KBTBD11: variants seen among roughly 807,000 people sequenced by gnomAD.
KBTBD11 encodes kelch repeat and BTB domain-containing protein 11.
For synonymous variants in KBTBD11, 747 were observed against 499.0 expected, an observed-to-expected ratio of 1.50 and a Z score of -6.63; for missense variants, 1,390 against 1,001.8, an observed-to-expected ratio of 1.39 and a Z score of -5.23.
At chr8:1,977,520 T>TTTA (rs960408946) in intron 1 of KBTBD11, among the ~76,000 whole-genome samples, 2 of 151,974 alleles carry the variant, frequency 1.3e-5, no homozygotes, top group Non-Finnish European at 2.9e-5. Context: ...AACAATGATT[T>TTTA]TTATTATTAT....
intron 1 of KBTBD11, among the ~76,000 whole-genome samples, chr8:1,996,396 A>C (rs1391377085): frequency 6.6e-6 from 1 of 152,076 alleles, no homozygotes; most frequent in Non-Finnish European, 1.5e-5. Context: ...CTTTCTGAGT[A>C]GCTGAGATTA....
intron 1 of KBTBD11, among the ~76,000 whole-genome samples, chr8:1,997,114 G>GA (rs1817169938): frequency 6.6e-6 from 1 of 152,080 alleles, no homozygotes; most frequent in South Asian, 2.1e-4. Flanking sequence ...ATCACCCAGG[G>GA]AAAAAATCCT....
Position 2,001,892 on chromosome 8 carries a change from G to C in KBTBD11, c.700G>C (p.Ala234Pro). ...CGCCGTGGGGCCGCAGCTGAGCCTG[G>C]CCAACTGCTACGAGGTCCTGAGCGC... is the stretch of plus-strand genomic sequence containing the variant. ...TDAVGPQLSL[A>P]NCYEVLSAAK... The change falls in exon 2 of 2, where the codon GCC becomes CCC. Residue 234 changes from alanine (A) to proline (P), a missense_variant. Transcript: ENST00000320248. 1 of 1,408,280 alleles carries C rather than the reference G, an allele frequency of 7.1e-7. No homozygotes were observed. Among genetic ancestry groups the C allele is most frequent in the Non-Finnish European group, 9.3e-7 (1 of 1,072,174 alleles). The allele number at this position is 1,408,280 out of a possible 1,614,324, so 87.2% of individuals were successfully genotyped here.
At chr8:1,976,635 C>G (rs1247452033) in intron 1 of KBTBD11, among the ~76,000 whole-genome samples, 3 of 151,712 alleles carry the variant, frequency 2.0e-5, no homozygotes, top group African/African-American at 7.3e-5. Context: ...TAAAGTCAGC[C>G]TAGTTCTCTG....
At chr8:1,974,123 C>CCGGCAGGGGAGGGAGG (rs1816228578) in intron 1 of KBTBD11, among the ~76,000 whole-genome samples, 188 bp downstream of exon 1, 2 of 2,398 alleles carry the variant, frequency 8.3e-4, no homozygotes, top group Non-Finnish European at 1.5e-3. Context: ...GGGAGGGGAG[C>CCGGCAGGGGAGGGAGG]GGAGCGGAGG....
chr8:1,998,382 T>C (rs1357228766), intron 1 of KBTBD11, among the ~76,000 whole-genome samples: 1 of 152,192 alleles, frequency 6.6e-6, no homozygotes, highest in Non-Finnish European at 1.5e-5. Flanking sequence ...TATAACAAAA[T>C]GTATACTTAT....
At chr8:1,989,846 T>C (rs1816844633) in intron 1 of KBTBD11, among the ~76,000 whole-genome samples, 1 of 151,270 alleles carries the variant, frequency 6.6e-6, no homozygotes, top group Non-Finnish European at 1.5e-5. Flanking sequence ...CCTCTTAAAC[T>C]TGTGACCAGC....
intron 1 of KBTBD11, among the ~76,000 whole-genome samples, chr8:1,993,487 GTCCATC>G (rs1817003174): frequency 1.8e-5 from 1 of 55,958 alleles, no homozygotes; most frequent in Admixed American, 2.1e-4. Context: ...CCATCTATCC[GTCCATC>G]CGTCCATCCA....
chr8:1,974,340 C>G, intron 1 of KBTBD11: 6 of 984,558 alleles, frequency 6.1e-6, no homozygotes, highest in Non-Finnish European at 6.0e-6. Context: ...TCACCGCCCC[C>G]GCCGAGGGTC....
chr8:1,996,643 A>C (rs887354412), intron 1 of KBTBD11, among the ~76,000 whole-genome samples: 1 of 152,196 alleles, frequency 6.6e-6, no homozygotes, highest in African/African-American at 2.4e-5. Flanking sequence ...CTTTAAAAAA[A>C]AATTAAGCTG....
rs752469609 is a variant in KBTBD11, at chr8:2,001,549, CCCCGAGGAG to C, written c.362_370del (p.Glu121_Pro123del). 107 of 1,436,200 alleles carry C rather than the reference CCCCGAGGAG, an allele frequency of 7.5e-5. No homozygotes were observed. The highest frequency in any genetic ancestry group is 4.0e-4 in the South Asian group (29 of 73,116). 89.0% of individuals were successfully genotyped at this position (1,436,200 alleles called of 1,614,324 possible). A position where few individuals can be genotyped will look rare whatever the true frequency, so the allele number is the denominator to read the frequency against. ...GCGTTTGGCTTGAGGACCCCGCGTC[CCCCGAGGAG>C]CCCGGGGAGCCCGCGCCCGTACCCC... On this transcript the variant is annotated inframe_deletion, in exon 2 of 2. Transcript: ENST00000320248.
intron 1 of KBTBD11, among the ~76,000 whole-genome samples, chr8:1,983,679 A>G (rs1343576008): frequency 6.6e-6 from 1 of 152,132 alleles, no homozygotes; most frequent in Non-Finnish European, 1.5e-5. Flanking sequence ...TGTTACCTAT[A>G]GGACCTGGGG....
At chr8:1,994,425 G>A (rs941500149) in intron 1 of KBTBD11, among the ~76,000 whole-genome samples, 5 of 152,262 alleles carry the variant, frequency 3.3e-5, no homozygotes, top group South Asian at 2.1e-4. Context: ...TGTGACAGGC[G>A]TCAGCTCAGA....
rs1310408287 is a variant in KBTBD11 at position 2,001,541 on chromosome 8, C to A, written c.349C>A (p.Pro117Thr). 8.4e-6 allele frequency: 12 copies of A among 1,434,158 alleles called. No individual in the cohort carries two copies. The highest frequency in any genetic ancestry group is 1.1e-5 in the Non-Finnish European group (12 of 1,099,380). The allele number at this position is 1,434,158 out of a possible 1,614,324, so 88.8% of individuals were successfully genotyped here. ...CGAACCGCGCGTTTGGCTTGAGGAC[C>A]CCGCGTCCCCCGAGGAGCCCGGGGA... ...SPEPRVWLED[P>T]ASPEEPGEPA... The change falls in exon 2 of 2, where the codon CCC (proline) becomes ACC (threonine). Residue 117 changes from proline to threonine, a missense_variant. Coordinates refer to ENST00000320248, the MANE Select transcript of KBTBD11 (RefSeq NM_014867.3).
rs761664575 is a variant in KBTBD11 at position 2,001,738 on chromosome 8, G to A, written c.546G>A (p.Thr182=). The A allele has an allele frequency of 1.5e-6, 2 of 1,341,882 alleles. No individual in the cohort carries two copies. Among genetic ancestry groups the A allele is most frequent in the African/African-American group, 1.5e-5 (1 of 65,202 alleles). 83.1% of individuals were successfully genotyped at this position (1,341,882 alleles called of 1,614,324 possible). A position where few individuals can be genotyped will look rare whatever the true frequency, so the allele number is the denominator to read the frequency against. The change falls in exon 2 of 2, where the codon ACG becomes ACA. Residue 182 remains threonine (T), a synonymous_variant. Transcript: ENST00000320248. ...DVLRVQGVSL[T]ALRLLLADAY... ...TGCGGGTGCAGGGAGTGAGCCTGAC[G>A]GCGCTGCGGCTGCTCCTCGCCGACG...
intron 1 of KBTBD11, among the ~76,000 whole-genome samples, chr8:1,985,672 A>G (rs1466719595): frequency 6.6e-6 from 1 of 152,256 alleles, no homozygotes; most frequent in African/African-American, 2.4e-5. Flanking sequence ...AAATAAAAAT[A>G]TGTTGGCCAG....
At chr8:1,984,672 T>C (rs1816653725) in intron 1 of KBTBD11, among the ~76,000 whole-genome samples, 1 of 152,092 alleles carries the variant, frequency 6.6e-6, no homozygotes, top group African/African-American at 2.4e-5. Context: ...ACACGTGTGA[T>C]AGGCACTCCA....
intron 1 of KBTBD11, among the ~76,000 whole-genome samples, chr8:1,991,121 T>C (rs990128374): frequency 4.6e-5 from 7 of 151,952 alleles, no homozygotes; most frequent in African/African-American, 1.7e-4. Flanking sequence ...TGGCGCCCTG[T>C]CCGGGTAGAT....
chr8:1,994,699 C>A (rs1322973468), intron 1 of KBTBD11, among the ~76,000 whole-genome samples: 1 of 152,214 alleles, frequency 6.6e-6, no homozygotes, highest in African/African-American at 2.4e-5. Context: ...TGTGTCCTTT[C>A]GGACTCACGT....
Sources: gnomAD v4.1 joint callset for allele counts (sites outside exome capture counted in the v4.1 genomes callset) on GRCh38, gnomAD v4.1.1 for gene constraint, MANE v1.5 for transcripts, NCBI Gene and HGNC (gene_info 2026-07-23, HGNC 2026-07-21) for gene names.